Variants in BANP observed in about 807,000 individuals in gnomAD.
BANP encodes the protein BTG3 associated nuclear protein.
BANP carries 11 observed loss-of-function variants against 68.1 expected under a neutral mutation model. The observed-to-expected ratio is 0.16, with a 90% CI of 0.10 to 0.27. The LOEUF is 0.27. Among genes scored for constraint, BANP ranks in the 10% least tolerant of loss-of-function variants. The probability of loss-of-function intolerance (pLI) is 1.00; values close to 1 mark genes in which losing one functional copy is unlikely to be tolerated. For missense variants in BANP, 504 were observed against 722.7 expected (o/e 0.70, Z 3.47); for synonymous variants, 329 against 303.2 (o/e 1.09, Z -0.88).
chr16:87,977,397 C>G (rs11117342), intron 2 of BANP, among the ~76,000 whole-genome samples: 1 of 149,894 alleles, frequency 6.7e-6, no homozygotes, highest in Non-Finnish European at 1.5e-5. Context: ...CCAGGCTGGG[C>G]GACAGAGCGA....
At position 87,980,963 on chromosome 16, in the gene BANP, A is replaced by G. The variant is rs138923889; in HGVS notation, c.71-73A>G. The G allele has an allele frequency of 3.9e-4, 399 of 1,024,464 alleles. 2 individuals are homozygous for G. In the African/African-American group the frequency reaches 5.7e-3, roughly 15 times the overall value. 63.5% of individuals were successfully genotyped at this position (1,024,464 alleles called of 1,614,324 possible). ...CAACCTTAAGGTGTCAGCACTGTTTACTATCTTAATGTTAAAATAATTCTG... is the reference window on the plus strand; with the variant it reads ...CAACCTTAAGGTGTCAGCACTGTTTGCTATCTTAATGTTAAAATAATTCTG... On this transcript the variant is annotated intron_variant, in intron 2 of 13. Transcript: ENST00000682872.
At chr16:88,008,184 C>T (rs529713331) in intron 6 of BANP, among the ~76,000 whole-genome samples, 143 of 152,168 alleles carry the variant, frequency 9.4e-4, no homozygotes, top group Middle Eastern at 3.4e-3. Flanking sequence ...CGTGATGTGC[C>T]GAGGTATGGA....
At chr16:88,060,955 G>A (rs940410540) in intron 11 of BANP, among the ~76,000 whole-genome samples, 42 of 134,986 alleles carry the variant, frequency 3.1e-4, no homozygotes, top group African/African-American at 8.8e-4. Context: ...GTTCTTAAAC[G>A]TCCCCCACCC....
intron 11 of BANP, among the ~76,000 whole-genome samples, chr16:88,038,579 T>C (rs2079994739): frequency 6.6e-6 from 1 of 151,788 alleles, no homozygotes; most frequent in African/African-American, 2.4e-5. Flanking sequence ...GTTTCGCTCC[T>C]GTGTATTGCC....
rs2144731044 is a variant in BANP at position 87,957,905 on chromosome 16, G to A, written c.-69+6390G>A. 6.6e-6 allele frequency among the ~76,000 whole-genome samples: 1 copy of A among 152,294 alleles called. No homozygotes were observed. The highest frequency in any genetic ancestry group is 1.9e-4 in the East Asian group (1 of 5,184). ...CCTGCCGCTACGTGTCCTCAAGTGA[G>A]CTCAGCTCTTGTGTCGGTGGGAGCT... On this transcript the variant is annotated intron_variant, in intron 1 of 13. Transcript: ENST00000682872. The surrounding 1 kb of genome is among the most constrained non-coding windows in gnomAD (Gnocchi z 4.3).
At chr16:88,059,623 GC>G (rs1400192673) in intron 11 of BANP, among the ~76,000 whole-genome samples, 3 of 152,124 alleles carry the variant, frequency 2.0e-5, no homozygotes, top group African/African-American at 7.2e-5. Context: ...GTTCCTGCAG[GC>G]ATGTGCTGAG....
At chr16:88,035,823 T>G (rs1053360566) in intron 10 of BANP, among the ~76,000 whole-genome samples, 9 of 152,332 alleles carry the variant, frequency 5.9e-5, no homozygotes, top group African/African-American at 2.2e-4. Context: ...ACGGGATTAG[T>G]GCCGATTTCA....
At chr16:87,980,280 G>A (rs1229827206) in intron 2 of BANP, among the ~76,000 whole-genome samples, 2 of 152,218 alleles carry the variant, frequency 1.3e-5, no homozygotes, top group Non-Finnish European at 2.9e-5. Context: ...AGGACTAGAA[G>A]GGTCACAGAC....
At chr16:88,051,845 A>C (rs2083332308) in intron 11 of BANP, among the ~76,000 whole-genome samples, 1 of 152,344 alleles carries the variant, frequency 6.6e-6, no homozygotes, top group African/African-American at 2.4e-5. Flanking sequence ...TATATTAAAA[A>C]ATCTAGATTT....
chr16:88,055,602 A>G (rs1429655358), intron 11 of BANP, among the ~76,000 whole-genome samples: 2 of 152,146 alleles, frequency 1.3e-5, no homozygotes, highest in Non-Finnish European at 2.9e-5. Context: ...AATGTCCAAC[A>G]TTTTACGTGT....
At chr16:87,950,885 C>G (rs891942995), upstream of BANP, 6 of 152,402 alleles carry the variant, frequency 3.9e-5, no homozygotes, top group African/African-American at 1.2e-4. Flanking sequence ...AAAACGCCAC[C>G]AAGCGCTCCG....
At chr16:88,021,010 C>T (rs974213821) in intron 7 of BANP, among the ~76,000 whole-genome samples, 23 of 152,136 alleles carry the variant, frequency 1.5e-4, no homozygotes, top group Non-Finnish European at 4.4e-5. Flanking sequence ...GGCTGCGATT[C>T]CTTGCGTGTT....
At chr16:87,999,943 T>C (rs377221967) in intron 4 of BANP, among the ~76,000 whole-genome samples, 39 of 100,738 alleles carry the variant, frequency 3.9e-4, no homozygotes, top group African/African-American at 5.0e-4. Context: ...CGGCTGGACT[T>C]ACCTGTCCTT....
intron 11 of BANP, among the ~76,000 whole-genome samples, chr16:88,053,660 C>A (rs2083997508): frequency 6.8e-6 from 1 of 147,996 alleles, no homozygotes; most frequent in African/African-American, 2.6e-5. Flanking sequence ...AACACAGTCA[C>A]CTTCACCACC....
At chr16:87,992,232 G>A (rs372328269) in intron 4 of BANP, among the ~76,000 whole-genome samples, 1 of 152,116 alleles carries the variant, frequency 6.6e-6, no homozygotes, top group African/African-American at 2.4e-5. Flanking sequence ...CATGTATTGT[G>A]CTTTTGCTAT....
intron 4 of BANP, 27 bp downstream of exon 4, chr16:87,984,286 C>T (rs2063848208): frequency 5.2e-6 from 8 of 1,541,234 alleles, no homozygotes; most frequent in Non-Finnish European, 7.0e-6. Flanking sequence ...GTGCCGGGGC[C>T]TTCAGGTCAC....
intron 7 of BANP, among the ~76,000 whole-genome samples, chr16:88,023,011 G>A (rs2076302129): frequency 6.6e-6 from 1 of 152,214 alleles, no homozygotes; most frequent in Admixed American, 6.5e-5. Context: ...CACAGGACAC[G>A]GGTGGTCAGG....
rs1386487907 is a variant in BANP at position 88,057,006 on chromosome 16, A to G, written c.1312-8261A>G. Among the ~76,000 whole-genome samples, 4 of 152,266 alleles carry G rather than the reference A, an allele frequency of 2.6e-5. No homozygotes were observed. The highest frequency in any genetic ancestry group is 9.6e-5 in the African/African-American group (4 of 41,462). On this transcript the variant is annotated intron_variant, in intron 11 of 13. Coordinates refer to ENST00000682872, the MANE Select transcript of BANP (RefSeq NM_001386991.1). This position sits in a 1 kb window ranked among gnomAD's most constrained non-coding sequence, Gnocchi z 4.6. Reference sequence around the variant, plus strand: ...ACTGATTTAAAACTCTGTAACTCAAAAAGCAGAAAAAGTGTGATTTCTGAA... The same window carrying G: ...ACTGATTTAAAACTCTGTAACTCAAGAAGCAGAAAAAGTGTGATTTCTGAA...
intron 13 of BANP, among the ~76,000 whole-genome samples, chr16:88,073,186 A>T (rs2090789520): frequency 6.6e-6 from 1 of 152,218 alleles, no homozygotes; most frequent in Admixed American, 6.5e-5. Context: ...GCTCACGCTC[A>T]CCAGGGTGCG....
Sources: gnomAD v4.1 joint callset for allele counts (sites outside exome capture counted in the v4.1 genomes callset) on GRCh38, gnomAD v4.1.1 for gene constraint, Gnocchi (gnomAD v3.1) non-coding constraint, MANE v1.5 for transcripts, NCBI Gene and HGNC (gene_info 2026-07-23, HGNC 2026-07-21) for gene names.